DCLK1: variants seen among roughly 807,000 people sequenced by gnomAD.
DCLK1 encodes the protein serine/threonine-protein kinase DCLK1.
In DCLK1, 16 loss-of-function variants were observed where a neutral mutation model predicts 86.2. That is an observed-to-expected ratio of 0.19 (90% CI 0.13 to 0.28). DCLK1 has a LOEUF of 0.28. Among genes scored for constraint, DCLK1 ranks in the 10% least tolerant of loss-of-function variants. DCLK1 has a pLI of 1.00. For missense variants in DCLK1, 590 were observed against 940.2 expected, an observed-to-expected ratio of 0.63 and a Z score of 4.87; for synonymous variants, 369 against 370.5, an observed-to-expected ratio of 1.00 and a Z score of 0.05.
intron 4 of DCLK1, among the ~76,000 whole-genome samples, chr13:35,907,508 C>T (rs1874754089): frequency 6.6e-6 from 1 of 152,160 alleles, no homozygotes; most frequent in African/African-American, 2.4e-5. Flanking sequence ...CTTTTTCAGA[C>T]ATACCAAAGC....
chr13:35,905,953 T>A (rs974108100), intron 4 of DCLK1, among the ~76,000 whole-genome samples: 1 of 152,222 alleles, frequency 6.6e-6, no homozygotes, highest in Non-Finnish European at 1.5e-5. Flanking sequence ...AGAATAAGCA[T>A]GATCTTAATG....
chr13:35,907,649 A>T (rs1874761001), intron 4 of DCLK1, among the ~76,000 whole-genome samples: 1 of 152,146 alleles, frequency 6.6e-6, no homozygotes. Context: ...AGGATAGGAC[A>T]GCCTGCAGAG....
intron 4 of DCLK1, among the ~76,000 whole-genome samples, chr13:35,885,362 A>C (rs1455896682): frequency 1.3e-5 from 2 of 152,214 alleles, no homozygotes; most frequent in Non-Finnish European, 2.9e-5. Context: ...TAAATAAACA[A>C]ATAAAAATTC....
chr13:35,828,104 T>C (rs1432662821), intron 9 of DCLK1, 146 bp downstream of exon 9: 2 of 653,318 alleles, frequency 3.1e-6, no homozygotes, highest in Non-Finnish European at 5.2e-6. Flanking sequence ...GGGATATACA[T>C]AAAGTTATAT....
rs181527356 is a variant in DCLK1, at chr13:36,103,109, A to G, written c.723+8760T>C. Among the ~76,000 whole-genome samples, 637 of 152,044 alleles carry G rather than the reference A, an allele frequency of 4.2e-3. 5 individuals carry two copies. Among genetic ancestry groups the G allele is most frequent in the African/African-American group, 0.014 (577 of 41,326 alleles). Reference sequence around the variant, plus strand: ...GTTGTTTGTTTGTTTGTTTTTAAAGAAAAAGACAGGGCCAGGTGCAGTGGC... The same window carrying G: ...GTTGTTTGTTTGTTTGTTTTTAAAGGAAAAGACAGGGCCAGGTGCAGTGGC... On this transcript the variant is annotated intron_variant, in intron 3 of 16. Transcript: ENST00000360631.
chr13:35,849,521 A>C, intron 6 of DCLK1: 1 of 981,212 alleles, frequency 1.0e-6, no homozygotes. Context: ...GATATGGCTT[A>C]AATACAATAG....
At chr13:35,980,735 A>G (rs1879597244) in intron 3 of DCLK1, among the ~76,000 whole-genome samples, 1 of 152,130 alleles carries the variant, frequency 6.6e-6, no homozygotes, top group Non-Finnish European at 1.5e-5. Context: ...GGAGTATGCA[A>G]CCTAAATCCC....
At chr13:36,055,400 T>C (rs1280299259) in intron 3 of DCLK1, among the ~76,000 whole-genome samples, 1 of 152,154 alleles carries the variant, frequency 6.6e-6, no homozygotes, top group East Asian at 1.9e-4. Flanking sequence ...CAAGAGAAAA[T>C]GAACTGTCTC....
chr13:35,825,734 G>T (rs1428662519), intron 10 of DCLK1, among the ~76,000 whole-genome samples: 1 of 152,046 alleles, frequency 6.6e-6, no homozygotes, highest in Non-Finnish European at 1.5e-5. Context: ...TTACAATGTT[G>T]GTAAAAAGAT....
chr13:36,114,845 A>G (rs1885726570), intron 2 of DCLK1, among the ~76,000 whole-genome samples: 1 of 152,244 alleles, frequency 6.6e-6, no homozygotes, highest in African/African-American at 2.4e-5. Context: ...TGGGAAGAAT[A>G]CATAGTTTTG....
Position 35,896,144 on chromosome 13 carries a change from A to G in DCLK1, c.824-24804T>C, listed in dbSNP as rs569725937. ...ATATTTATTTTCAAACAAGGAAGAA[A>G]ATTGGTAAGATTTGCTGTTAGAACA... On this transcript the variant is annotated intron_variant, in intron 4 of 16. Coordinates refer to ENST00000360631, the MANE Select transcript of DCLK1 (RefSeq NM_001330071.2). Among the ~76,000 whole-genome samples the G allele has an allele frequency of 1.3e-4, 20 of 152,322 alleles. No homozygotes were observed. The East Asian group carries it at 3.1e-3, about 23-fold the overall frequency.
At chr13:36,041,849 C>T (rs558107462) in intron 3 of DCLK1, among the ~76,000 whole-genome samples, 1 of 152,208 alleles carries the variant, frequency 6.6e-6, no homozygotes, top group South Asian at 2.1e-4. Flanking sequence ...ATTTTAGCTT[C>T]TAGTAAGATA....
At chr13:35,992,405 C>G (rs913466759) in intron 3 of DCLK1, among the ~76,000 whole-genome samples, 17 of 151,494 alleles carry the variant, frequency 1.1e-4, no homozygotes, top group African/African-American at 4.1e-4. Context: ...GATGTGGCTG[C>G]CATTCCTTAC....
intron 3 of DCLK1, among the ~76,000 whole-genome samples, chr13:36,095,171 T>C (rs370127250): frequency 0.081 from 9,790 of 120,524 alleles, 492 homozygotes; most frequent in African/African-American, 0.19. Flanking sequence ...CTCTCTCTCT[T>C]TGTTTTTTTT....
chr13:36,096,801 G>T (rs1885036572), intron 3 of DCLK1, among the ~76,000 whole-genome samples: 1 of 152,162 alleles, frequency 6.6e-6, no homozygotes, highest in South Asian at 2.1e-4. Context: ...CAAGAAGGTA[G>T]GAGAGAAGAA....
chr13:35,943,546 T>G (rs1877200894), intron 4 of DCLK1, among the ~76,000 whole-genome samples: 1 of 151,874 alleles, frequency 6.6e-6, no homozygotes, highest in African/African-American at 2.4e-5. Context: ...TGAGAAAAGA[T>G]GAAAGAGAGG....
chr13:36,127,216 C>T (rs1488660531), intron 1 of DCLK1, among the ~76,000 whole-genome samples: 1 of 152,126 alleles, frequency 6.6e-6, no homozygotes, highest in Non-Finnish European at 1.5e-5. Context: ...CATATTCACA[C>T]ATTCAATATT....
chr13:35,839,203 C>A (rs769572653), intron 6 of DCLK1, 27 bp from the exon 7 acceptor site: 1 of 1,553,412 alleles, frequency 6.4e-7, no homozygotes, highest in South Asian at 1.2e-5. Context: ...ACCGGTAATT[C>A]AAAAACTGGG....
Position 35,771,137 on chromosome 13 carries a change from A to G in DCLK1, c.*3398T>C, listed in dbSNP as rs545040282. On this transcript the variant is annotated 3_prime_UTR_variant, in exon 17 of 17. Transcript: ENST00000360631. Reference sequence around the variant, plus strand: ...GATTTAATGTGCTTGAGACTTGGTCATATGGGAGCTCTGTGACCCTCTAAG... The same window carrying G: ...GATTTAATGTGCTTGAGACTTGGTCGTATGGGAGCTCTGTGACCCTCTAAG... 1.2e-4 allele frequency: 18 copies of G among 152,308 alleles called. No homozygotes were observed. Among genetic ancestry groups the G allele is most frequent in the Non-Finnish European group, 2.4e-4 (16 of 68,044 alleles). The allele number at this position is 152,308 out of a possible 1,614,324, so 9.4% of individuals were successfully genotyped here. A position where few individuals can be genotyped will look rare whatever the true frequency, so the allele number is the denominator to read the frequency against.
Sources: gnomAD v4.1 joint callset for allele counts (sites outside exome capture counted in the v4.1 genomes callset) on GRCh38, gnomAD v4.1.1 for gene constraint, MANE v1.5 for transcripts, NCBI Gene and HGNC (gene_info 2026-07-23, HGNC 2026-07-21) for gene names.